Variants in NR2C1 observed in about 807,000 individuals in gnomAD.
NR2C1 encodes TR2 nuclear hormone receptor.
NR2C1 carries 33 observed loss-of-function variants against 74.8 expected under a neutral mutation model. That is an observed-to-expected ratio of 0.44 (90% CI 0.33 to 0.59). NR2C1 has a LOEUF of 0.59. Ranked by LOEUF, NR2C1 falls within the 20% of genes least tolerant of loss-of-function variation. The pLI is 0.02. For missense variants in NR2C1, 568 were observed against 715.6 expected, an observed-to-expected ratio of 0.79 and a Z score of 2.35; for synonymous variants, 225 against 240.6, an observed-to-expected ratio of 0.94 and a Z score of 0.60.
At position 95,051,848 on chromosome 12, in the gene NR2C1, A is replaced by G. The variant is rs748257038; in HGVS notation, c.879T>C (p.Asn293=). The G allele has an allele frequency of 1.9e-6, 3 of 1,611,590 alleles. No individual in the cohort carries two copies. Among genetic ancestry groups the G allele is most frequent in the African/African-American group, 2.7e-5 (2 of 74,774 alleles). The change falls in exon 8 of 14, where the codon AAT becomes AAC. Residue 293 remains asparagine, a synonymous_variant. Transcript: ENST00000333003. ...TTAAGCTTTCAATCATAGACATTTC[A>G]TTACTATTTTGAGAAAGATCTTTAG... ...GKTKDLSQNS[N]EMSMIESLSN...
At chr12:95,031,855 GA>G (rs1870152930) in intron 10 of NR2C1, among the ~76,000 whole-genome samples, 1 of 152,130 alleles carries the variant, frequency 6.6e-6, no homozygotes, top group Admixed American at 6.6e-5. Flanking sequence ...CCTTTTAAAA[GA>G]AAGAGCAATT....
intron 13 of NR2C1, among the ~76,000 whole-genome samples, chr12:95,022,827 T>A (rs1384486308): frequency 6.6e-6 from 1 of 151,942 alleles, no homozygotes; most frequent in East Asian, 1.9e-4. Flanking sequence ...CCCAAGTAGC[T>A]GTGGCTACAG....
chr12:95,052,062 G>T, intron 7 of NR2C1, 119 bp from the exon 8 acceptor site: 1 of 582,040 alleles, frequency 1.7e-6, no homozygotes, highest in Non-Finnish European at 2.8e-6. Context: ...ATGAAACCTG[G>T]AAAGTTAAAG....
intron 9 of NR2C1, among the ~76,000 whole-genome samples, chr12:95,042,488 C>T (rs998832511): frequency 1.1e-4 from 17 of 152,194 alleles, no homozygotes; most frequent in Middle Eastern, 3.4e-3. Flanking sequence ...GCTAGGATTA[C>T]AGGCATGAGC....
At chr12:95,030,290 G>T in intron 11 of NR2C1, 1 of 347,530 alleles carries the variant, frequency 2.9e-6, no homozygotes, top group Non-Finnish European at 4.7e-6. Flanking sequence ...TTTTATTTAA[G>T]CTTATATTGG....
At chr12:95,053,888 T>A (rs1436802593) in intron 7 of NR2C1, among the ~76,000 whole-genome samples, 1 of 152,088 alleles carries the variant, frequency 6.6e-6, no homozygotes, top group East Asian at 1.9e-4. Flanking sequence ...TTTCACTGTG[T>A]TAGCCAGGAC....
chr12:95,070,945 A>C (rs1425878530), intron 1 of NR2C1, among the ~76,000 whole-genome samples: 2 of 152,220 alleles, frequency 1.3e-5, no homozygotes, highest in Non-Finnish European at 1.5e-5. Context: ...CACGCCTGTA[A>C]TCCCAGCACT....
At chr12:95,055,265 A>T (rs182118700) in intron 7 of NR2C1, among the ~76,000 whole-genome samples, 1 of 152,362 alleles carries the variant, frequency 6.6e-6, no homozygotes, top group Admixed American at 6.5e-5. Flanking sequence ...TATACAAGAG[A>T]GCACAGTGTC....
At chr12:95,039,509 G>A (rs1277627830) in intron 10 of NR2C1, among the ~76,000 whole-genome samples, 2 of 152,064 alleles carry the variant, frequency 1.3e-5, no homozygotes, top group African/African-American at 2.4e-5. Context: ...CCATTGCTTT[G>A]CCTTTAGACA....
chr12:95,031,916 G>A (rs746965539), intron 10 of NR2C1, among the ~76,000 whole-genome samples: 3 of 152,220 alleles, frequency 2.0e-5, no homozygotes, highest in Admixed American at 2.0e-4. Context: ...TGCCCAGGCT[G>A]GAGTGCAATG....
rs1394199686 is a variant in NR2C1, at chr12:95,028,541, A to G, written c.1394-17T>C. ...ACATTTTATCTTTAATTAAAAATAA[A>G]CAAATGCTTCTAGTGTTTGTCTAAA... On this transcript the variant is annotated splice_polypyrimidine_tract_variant and intron_variant, in intron 11 of 13. Coordinates refer to ENST00000333003, the MANE Select transcript of NR2C1 (RefSeq NM_003297.4). 1.4e-6 allele frequency: 2 copies of G among 1,434,614 alleles called. No homozygotes were observed. The highest frequency in any genetic ancestry group is 9.7e-7 in the Non-Finnish European group (1 of 1,028,062). The allele number at this position is 1,434,614 out of a possible 1,614,324, so 88.9% of individuals were successfully genotyped here.
chr12:95,049,251 A>C lies in NR2C1; in HGVS notation c.966-18T>G. The stretch of plus-strand genomic sequence containing the variant: ...CAAATGCCCTGTATGAAGACATCAG[A>C]AGCTATGAGCTTGACCAAACACCGC... On this transcript the variant is annotated intron_variant, in intron 8 of 13. Coordinates refer to ENST00000333003, the MANE Select transcript of NR2C1 (RefSeq NM_003297.4). 1 of 1,607,670 alleles carries C rather than the reference A, an allele frequency of 6.2e-7. No individual in the cohort carries two copies.
At chr12:95,072,475 GA>G (rs58342352) in intron 1 of NR2C1, among the ~76,000 whole-genome samples, 12 of 115,578 alleles carry the variant, frequency 1.0e-4, no homozygotes, top group Admixed American at 4.2e-4. Flanking sequence ...AAAAAAAAAA[GA>G]AAAAAAAATC....
chr12:95,024,238 A>C (rs1256560663), intron 13 of NR2C1, among the ~76,000 whole-genome samples: 1 of 152,224 alleles, frequency 6.6e-6, no homozygotes, highest in Admixed American at 6.5e-5. Flanking sequence ...TATTATAAAC[A>C]AACACACTTA....
At chr12:95,067,489 A>C (rs1875892581) in intron 1 of NR2C1, 98 bp from the exon 2 acceptor site, 1 of 1,009,474 alleles carries the variant, frequency 9.9e-7, no homozygotes, top group East Asian at 2.6e-5. Context: ...ATTTGCTTCA[A>C]AATAATCTAG....
In NR2C1 at chr12:95,062,636, T is replaced by G. The variant is rs760199341; in HGVS notation, c.157A>C (p.Thr53Pro). 6.2e-7 allele frequency: 1 copy of G among 1,614,026 alleles called. No individual in the cohort carries two copies. Among genetic ancestry groups the G allele is most frequent in the Admixed American group, 1.7e-5 (1 of 59,988 alleles). Residue 53 changes from threonine to proline, a missense_variant, in exon 3 of 14, where the codon ACT becomes CCT. This residue lies in a region of NR2C1 where 128 missense variants were observed against 118.9 expected (regional missense o/e 1.08). Coordinates refer to ENST00000333003, the MANE Select transcript of NR2C1 (RefSeq NM_003297.4). ...QFILTNHDGS[T>P]PSKVILARQD... ...CTGGCCAGAATGACTTTGCTTGGAG[T>G]AGAGCCGTCGTGATTTGTCAGAATG...
chr12:95,030,058 T>C (rs1489860119), intron 11 of NR2C1, among the ~76,000 whole-genome samples: 1 of 152,136 alleles, frequency 6.6e-6, no homozygotes, highest in Non-Finnish European at 1.5e-5. Context: ...AAAATTTCTG[T>C]AGAGGTGGGG....
intron 5 of NR2C1, 96 bp from the exon 6 acceptor site, chr12:95,057,974 C>T (rs1874175376): frequency 1.5e-5 from 15 of 983,452 alleles, no homozygotes; most frequent in South Asian, 1.4e-4. Flanking sequence ...TAATAGGAGA[C>T]ATGGCTACCA....
chr12:95,039,100 A>G (rs914557848), intron 10 of NR2C1, among the ~76,000 whole-genome samples: 2 of 152,184 alleles, frequency 1.3e-5, no homozygotes, highest in African/African-American at 4.8e-5. Context: ...AACTAGAGAA[A>G]TGCTGAAAAT....
Sources: gnomAD v4.1 joint callset for allele counts (sites outside exome capture counted in the v4.1 genomes callset) on GRCh38, gnomAD v4.1.1 for gene constraint, gnomAD v4.1.1 regional missense constraint, MANE v1.5 for transcripts, NCBI Gene and HGNC (gene_info 2026-07-23, HGNC 2026-07-21) for gene names.